Variants in ASIC2 observed in about 807,000 individuals in gnomAD.
ASIC2 encodes the protein acid sensing ion channel subunit 2, also known as acid-sensing ion channel 2.
A neutral mutation model predicts 57.3 loss-of-function variants in ASIC2; 25 were observed. That is an observed-to-expected ratio of 0.44 (90% CI 0.32 to 0.61). The LOEUF (loss-of-function observed/expected upper bound fraction) is 0.61, where lower values mean the gene tolerates loss of function less well. ASIC2 is among the 20% of genes least tolerant of loss of function. The probability of loss-of-function intolerance (pLI) is 0.06; values close to 1 mark genes in which losing one functional copy is unlikely to be tolerated. For synonymous variants in ASIC2, 319 were observed against 307.5 expected (o/e 1.04, Z -0.39); for missense variants, 641 against 738.1 (o/e 0.87, Z 1.52).
intron 1 of ASIC2, among the ~76,000 whole-genome samples, chr17:33,233,605 T>C (rs1908189070): frequency 6.6e-6 from 1 of 151,168 alleles, no homozygotes; most frequent in Non-Finnish European, 1.5e-5. Context: ...AGTCTCCACA[T>C]CTGCCTTTCA....
chr17:33,506,449 A>G (rs1159534426), intron 1 of ASIC2, among the ~76,000 whole-genome samples: 1 of 151,504 alleles, frequency 6.6e-6, no homozygotes, highest in African/African-American at 2.4e-5. Flanking sequence ...GACCTAAGTC[A>G]TTAGGGTGTG....
chr17:33,852,061 A>G (rs573382329), intron 1 of ASIC2, among the ~76,000 whole-genome samples: 2 of 152,330 alleles, frequency 1.3e-5, no homozygotes, highest in Non-Finnish European at 1.5e-5. Context: ...CTTCACTTGG[A>G]CTGAATAATC....
chr17:34,107,376 G>A (rs1010057810), intron 1 of ASIC2, among the ~76,000 whole-genome samples: 3 of 152,110 alleles, frequency 2.0e-5, no homozygotes, highest in African/African-American at 4.8e-5. Flanking sequence ...AGGGGTGGTG[G>A]TGATCGCCTA....
At chr17:33,664,186 C>G (rs1447612618) in intron 1 of ASIC2, among the ~76,000 whole-genome samples, 1 of 152,290 alleles carries the variant, frequency 6.6e-6, no homozygotes, top group East Asian at 1.9e-4. Context: ...GGCCCTTACA[C>G]ATGTTGCTTG....
intron 1 of ASIC2, among the ~76,000 whole-genome samples, chr17:33,786,441 G>A (rs1299139600): frequency 6.6e-6 from 1 of 151,942 alleles, no homozygotes; most frequent in Admixed American, 6.6e-5. Flanking sequence ...GGTGGCATTG[G>A]GGACCAACTT....
intron 3 of ASIC2, among the ~76,000 whole-genome samples, chr17:33,061,523 T>G (rs775789420): frequency 2.6e-5 from 4 of 152,204 alleles, no homozygotes; most frequent in African/African-American, 9.6e-5. Context: ...AACTTGATCA[T>G]GGTGGATAAG....
chr17:33,684,969 C>T (rs1908135201), intron 1 of ASIC2, among the ~76,000 whole-genome samples: 1 of 152,122 alleles, frequency 6.6e-6, no homozygotes, highest in Non-Finnish European at 1.5e-5. Flanking sequence ...GTAAGTGGAG[C>T]TGTCATATCG....
chr17:33,507,541 A>G (rs1188057269), intron 1 of ASIC2, among the ~76,000 whole-genome samples: 1 of 152,074 alleles, frequency 6.6e-6, no homozygotes, highest in Non-Finnish European at 1.5e-5. Context: ...GCTTTGGGAC[A>G]CCTATGGTCT....
At chr17:33,029,906 G>T (rs960989402) in intron 3 of ASIC2, among the ~76,000 whole-genome samples, 1 of 152,096 alleles carries the variant, frequency 6.6e-6, no homozygotes, top group Non-Finnish European at 1.5e-5. Context: ...TGTGTTTGTT[G>T]GTCATTCATA....
At chr17:33,208,124 G>A (rs1907138098) in intron 1 of ASIC2, among the ~76,000 whole-genome samples, 1 of 152,214 alleles carries the variant, frequency 6.6e-6, no homozygotes, top group Non-Finnish European at 1.5e-5. Flanking sequence ...CCTGACTGGG[G>A]GAGGTAAAGG....
chr17:33,505,561 A>T (rs1027261739), intron 1 of ASIC2, among the ~76,000 whole-genome samples: 2 of 152,176 alleles, frequency 1.3e-5, no homozygotes, highest in African/African-American at 4.8e-5. Context: ...AAACCTTTTT[A>T]TGGTTCCCCA....
intron 1 of ASIC2, among the ~76,000 whole-genome samples, chr17:33,194,223 C>T (rs530708103): frequency 5.4e-4 from 82 of 152,310 alleles, no homozygotes; most frequent in Non-Finnish European, 8.8e-4. Flanking sequence ...CTTTTCTGCA[C>T]GCTAAAAAGC....
chr17:33,353,200 G>T (rs904261820), intron 1 of ASIC2, among the ~76,000 whole-genome samples: 2 of 152,112 alleles, frequency 1.3e-5, no homozygotes, highest in Non-Finnish European at 2.9e-5. Context: ...CCACCAAACT[G>T]TTAGCTGTTT....
At chr17:33,461,802 CAT>C (rs768452626) in intron 1 of ASIC2, among the ~76,000 whole-genome samples, 1 of 152,260 alleles carries the variant, frequency 6.6e-6, no homozygotes, top group East Asian at 1.9e-4. Context: ...AGCACACACA[CAT>C]GACTAGATAT....
intron 1 of ASIC2, among the ~76,000 whole-genome samples, chr17:33,684,274 A>G (rs1221195873): frequency 2.0e-5 from 3 of 152,220 alleles, no homozygotes; most frequent in Admixed American, 6.5e-5. Context: ...AGTGGTGGCT[A>G]CCAGGAGCTC....
intron 1 of ASIC2, among the ~76,000 whole-genome samples, chr17:33,461,219 A>G (rs753532394): frequency 8.4e-4 from 128 of 152,364 alleles, no homozygotes; most frequent in Non-Finnish European, 1.1e-3. Context: ...TTTTGAAGGA[A>G]TGAACACTTA....
intron 1 of ASIC2, chr17:34,143,165 T>C (rs1325752689): frequency 1.3e-5 from 2 of 152,184 alleles, no homozygotes; most frequent in Non-Finnish European, 2.9e-5. Flanking sequence ...AAGCATGATG[T>C]CTTCACAGAG....
At chr17:33,506,069 G>A (rs1028289070) in intron 1 of ASIC2, among the ~76,000 whole-genome samples, 3 of 152,086 alleles carry the variant, frequency 2.0e-5, no homozygotes, top group Admixed American at 1.3e-4. Context: ...CAGAGTCCTA[G>A]GATACTGGGA....
intron 1 of ASIC2, among the ~76,000 whole-genome samples, chr17:33,881,865 C>T (rs551297079): frequency 6.6e-6 from 1 of 152,294 alleles, no homozygotes; most frequent in Non-Finnish European, 1.5e-5. Context: ...AACTATACTG[C>T]AAGGCTACAG....
Sources: allele counts gnomAD v4.1 joint callset (sites outside exome capture counted in the v4.1 genomes callset), GRCh38; gene constraint gnomAD v4.1.1; transcripts MANE v1.5; gene names NCBI Gene and HGNC (gene_info 2026-07-23, HGNC 2026-07-21).